Variants in GPAM observed in about 807,000 individuals in gnomAD.
GPAM encodes the protein glycerol-3-phosphate acyltransferase 1, mitochondrial.
In GPAM, 56 loss-of-function variants were observed where a neutral mutation model predicts 105.0. That is an observed-to-expected ratio of 0.53 (90% CI 0.43 to 0.67). The LOEUF is 0.67. Among genes scored for constraint, GPAM ranks in the 30% least tolerant of loss-of-function variants. GPAM has a pLI of 0.00. For synonymous variants in GPAM, 368 were observed against 354.4 expected, an observed-to-expected ratio of 1.04 and a Z score of -0.43; for missense variants, 855 against 989.8, an observed-to-expected ratio of 0.86 and a Z score of 1.83.
rs919468331 is a variant in GPAM at position 112,168,666 on chromosome 10, A to C, written c.895-142T>G. 2.2e-5 allele frequency: 16 copies of C among 722,982 alleles called. No homozygotes were observed. The African/African-American group carries it at 2.8e-4, about 13-fold the overall frequency. 44.8% of individuals were successfully genotyped at this position (722,982 alleles called of 1,614,324 possible). On this transcript the variant is annotated intron_variant, in intron 10 of 21. Transcript: ENST00000348367. ...AGTATCTTATTCACACTAATAAAAC[A>C]GCTCCTCCAATGCTATATTTTGGTA...
At chr10:112,210,662 C>G (rs1353189078) in intron 1 of GPAM, among the ~76,000 whole-genome samples, 1 of 152,234 alleles carries the variant, frequency 6.6e-6, no homozygotes, top group African/African-American at 2.4e-5. Flanking sequence ...ATGCTGATAT[C>G]TCCATTCTTT....
chr10:112,190,421 C>T (rs1847642730), intron 1 of GPAM, among the ~76,000 whole-genome samples: 1 of 151,198 alleles, frequency 6.6e-6, no homozygotes, highest in Non-Finnish European at 1.5e-5. Context: ...AAGAGAATCA[C>T]TTGAACCCAG....
In GPAM at chr10:112,154,862, G is replaced by A. The variant is rs192987435; in HGVS notation, c.2312-175C>T. ...CCTGTGAGTTCTCAGATGACTTGCT[G>A]TTAAACCTACTTTGCTTACACCTAC... On this transcript the variant is annotated intron_variant, in intron 20 of 21. Coordinates refer to ENST00000348367, the MANE Select transcript of GPAM (RefSeq NM_001244949.2). 2.0e-3 allele frequency: 1,316 copies of A among 669,782 alleles called. 14 individuals carry two copies. The African/African-American group carries it at 0.021, about 10-fold the overall frequency. 41.5% of individuals were successfully genotyped at this position (669,782 alleles called of 1,614,324 possible). A position where few individuals can be genotyped will look rare whatever the true frequency, so the allele number is the denominator to read the frequency against.
chr10:112,171,118 T>A (rs1250676181), intron 9 of GPAM, among the ~76,000 whole-genome samples: 1 of 152,210 alleles, frequency 6.6e-6, no homozygotes, highest in Non-Finnish European at 1.5e-5. Context: ...ACCTTAGAGA[T>A]GCTTTGTCCT....
At chr10:112,191,798 GCTC>G (rs1847661664) in intron 1 of GPAM, among the ~76,000 whole-genome samples, 1 of 152,178 alleles carries the variant, frequency 6.6e-6, no homozygotes, top group African/African-American at 2.4e-5. Context: ...GGCCAGAATG[GCTC>G]GGCATTGAGA....
In GPAM at chr10:112,151,518, A is replaced by G; in HGVS notation, c.*2032T>C. On this transcript the variant is annotated 3_prime_UTR_variant, in exon 22 of 22. Coordinates refer to ENST00000348367, the MANE Select transcript of GPAM (RefSeq NM_001244949.2). ...CAGTGAGTTAAGTGGTGAGAGAGCT[A>G]GCAAATCATACATTGCATTCCCCAA... The G allele has an allele frequency of 2.0e-6, 2 of 985,758 alleles. No individual in the cohort carries two copies. The highest frequency in any genetic ancestry group is 1.2e-6 in the Non-Finnish European group (1 of 829,824). The allele number at this position is 985,758 out of a possible 1,614,324, so 61.1% of individuals were successfully genotyped here.
chr10:112,225,545 G>T, the GPAM span, among the ~76,000 whole-genome samples: 1 of 152,308 alleles, frequency 6.6e-6, no homozygotes, highest in African/African-American at 2.4e-5. Flanking sequence ...AAAGGGGAAA[G>T]AATATTCTGG....
At chr10:112,173,288 A>G (rs1464624453) in intron 7 of GPAM, among the ~76,000 whole-genome samples, 10 of 152,190 alleles carry the variant, frequency 6.6e-5, no homozygotes, top group African/African-American at 2.4e-4. Context: ...GTATCCATTT[A>G]TTATAGACTA....
At chr10:112,164,647 C>T (rs763496053) in intron 12 of GPAM, 37 bp from the exon 13 acceptor site, 4 of 1,036,612 alleles carry the variant, frequency 3.9e-6, no homozygotes, top group Non-Finnish European at 6.1e-6. Flanking sequence ...TTTACCCTCA[C>T]TTTCGCACCA....
intron 14 of GPAM, among the ~76,000 whole-genome samples, chr10:112,163,450 T>A (rs921255044): frequency 3.2e-5 from 1 of 31,258 alleles, no homozygotes; most frequent in Non-Finnish European, 8.8e-5. Flanking sequence ...ATCATTTTAA[T>A]AATAACTATT....
intron 1 of GPAM, among the ~76,000 whole-genome samples, chr10:112,203,410 G>C (rs1847821842): frequency 6.6e-6 from 1 of 150,676 alleles, no homozygotes; most frequent in African/African-American, 2.5e-5. Flanking sequence ...CCCAGCATGG[G>C]AGAACCAGCA....
intron 20 of GPAM, chr10:112,155,388 T>C (rs1302994735): frequency 1.1e-5 from 2 of 180,114 alleles, no homozygotes; most frequent in African/African-American, 2.4e-5. Flanking sequence ...GGAAACTGTT[T>C]GGTGGTATCT....
chr10:112,219,204 C>T (rs1419096228), upstream of GPAM, among the ~76,000 whole-genome samples: 2 of 152,230 alleles, frequency 1.3e-5, no homozygotes, highest in Non-Finnish European at 1.5e-5. Flanking sequence ...CCAAAGCCCA[C>T]AGCCCTGGCA....
rs1589573605 is a variant in GPAM, at chr10:112,152,264, A to T, written c.*1286T>A. ...TTTTAACATTACATGATATTTAAAAAATCACCATAATTACCATAATAAACC... is the reference window on the plus strand; with the variant it reads ...TTTTAACATTACATGATATTTAAAATATCACCATAATTACCATAATAAACC... On this transcript the variant is annotated 3_prime_UTR_variant, in exon 22 of 22. Transcript: ENST00000348367. 1 of 980,676 alleles carries T rather than the reference A, an allele frequency of 1.0e-6. No individual in the cohort carries two copies. The highest frequency in any genetic ancestry group is 1.1e-4 in the East Asian group (1 of 8,794). 60.7% of individuals were successfully genotyped at this position (980,676 alleles called of 1,614,324 possible). A position where few individuals can be genotyped will look rare whatever the true frequency, so the allele number is the denominator to read the frequency against.
At chr10:112,175,079 A>G (rs1219815850) in intron 6 of GPAM, among the ~76,000 whole-genome samples, 1 of 152,070 alleles carries the variant, frequency 6.6e-6, no homozygotes, top group Non-Finnish European at 1.5e-5. Context: ...TAGAATATTT[A>G]TTTCCCCATT....
the GPAM span, among the ~76,000 whole-genome samples, chr10:112,224,694 G>T: frequency 2.6e-5 from 4 of 151,966 alleles, no homozygotes; most frequent in Admixed American, 6.6e-5. Context: ...AGATCAAAAA[G>T]CCTTCTGTAA....
chr10:112,175,954 T>G (rs1437669655), intron 5 of GPAM, among the ~76,000 whole-genome samples: 1 of 152,198 alleles, frequency 6.6e-6, no homozygotes, highest in East Asian at 1.9e-4. Context: ...AGTGTTACTG[T>G]GCCGAATAAC....
At chr10:112,215,557 G>A (rs146642418), upstream of GPAM, among the ~76,000 whole-genome samples, 142 of 152,334 alleles carry the variant, frequency 9.3e-4, no homozygotes, top group African/African-American at 3.0e-3. Flanking sequence ...ATTTAATGAT[G>A]CAATGAATGG....
At chr10:112,220,853 TACACACACACAC>T in the GPAM span, among the ~76,000 whole-genome samples, 1 of 145,920 alleles carries the variant, frequency 6.9e-6, no homozygotes, top group South Asian at 2.2e-4. Flanking sequence ...AGATCTCAAA[TACACACACACAC>T]ACACACACAC....
Sources: allele counts gnomAD v4.1 joint callset (sites outside exome capture counted in the v4.1 genomes callset), GRCh38; gene constraint gnomAD v4.1.1; transcripts MANE v1.5; gene names NCBI Gene and HGNC (gene_info 2026-07-23, HGNC 2026-07-21).